Variants in FAT3 observed in about 807,000 individuals in gnomAD.
FAT3 encodes the protein FAT atypical cadherin 3, also known as protocadherin Fat 3.
A neutral mutation model predicts 310.2 loss-of-function variants in FAT3; 95 were observed. The observed-to-expected ratio is 0.31, with a 90% CI of 0.26 to 0.36. FAT3 has a LOEUF of 0.36. Among genes scored for constraint, FAT3 ranks in the 10% least tolerant of loss-of-function variants. The probability of loss-of-function intolerance (pLI) is 1.00; values close to 1 mark genes in which losing one functional copy is unlikely to be tolerated. For synonymous variants in FAT3, 2,314 were observed against 2,192.9 expected (o/e 1.06, Z -1.54); for missense variants, 5,408 against 5,715.6 (o/e 0.95, Z 1.74).
intron 7 of FAT3, among the ~76,000 whole-genome samples, chr11:92,779,602 G>A (rs1007202336): frequency 6.6e-6 from 1 of 152,170 alleles, no homozygotes; most frequent in African/African-American, 2.4e-5. Flanking sequence ...GTTACTCAGT[G>A]AAGCAGGTGC....
At chr11:92,753,472 A>G (rs1945881555) in intron 4 of FAT3, among the ~76,000 whole-genome samples, 1 of 152,210 alleles carries the variant, frequency 6.6e-6, no homozygotes. Flanking sequence ...TATAGCTACA[A>G]CAAGTAAAAC....
chr11:92,352,495 T>C lies in FAT3; in HGVS notation c.383T>C (p.Ile128Thr). The C allele has an allele frequency of 1.2e-6, 2 of 1,612,948 alleles. No homozygotes were observed. The highest frequency in any genetic ancestry group is 1.7e-6 in the Non-Finnish European group (2 of 1,179,680). The change falls in exon 2 of 28, where the codon ATA (isoleucine) becomes ACA (threonine). Residue 128 changes from isoleucine to threonine, a missense_variant. This residue lies in a region of FAT3 where 152 missense variants were observed against 188.3 expected (regional missense o/e 0.81). Coordinates refer to ENST00000525166, the MANE Select transcript of FAT3 (RefSeq NM_001367949.2). ...NREIQDNYLL[I>T]VKGSVRGEDL... Reference sequence around the variant, plus strand: ...GAAATCCAGGATAATTATTTATTGATAGTAAAAGGTTCTGTCAGAGGAGAG... The same window carrying C: ...GAAATCCAGGATAATTATTTATTGACAGTAAAAGGTTCTGTCAGAGGAGAG...
intron 4 of FAT3, among the ~76,000 whole-genome samples, chr11:92,733,863 C>A (rs771358689): frequency 6.6e-6 from 1 of 152,118 alleles, no homozygotes; most frequent in Non-Finnish European, 1.5e-5. Context: ...ATAAATACTT[C>A]TTGATATTCT....
intron 2 of FAT3, among the ~76,000 whole-genome samples, chr11:92,440,057 T>C (rs1951032752): frequency 1.3e-5 from 2 of 152,054 alleles, no homozygotes; most frequent in African/African-American, 4.8e-5. Flanking sequence ...AAGGTTAGTA[T>C]TGAGCACTGC....
chr11:92,394,626 T>C (rs1949822640), intron 2 of FAT3, among the ~76,000 whole-genome samples: 1 of 151,842 alleles, frequency 6.6e-6, no homozygotes, highest in African/African-American at 2.4e-5. Flanking sequence ...GGTATCTCAG[T>C]TTCCTGAGAT....
intron 1 of FAT3, among the ~76,000 whole-genome samples, chr11:92,299,819 C>T (rs574723298): frequency 8.5e-4 from 130 of 152,178 alleles, no homozygotes; most frequent in African/African-American, 2.9e-3. Flanking sequence ...AAGAAGCTTC[C>T]GGGTTCACTA....
At chr11:92,293,529 T>C (rs896945373) in intron 1 of FAT3, among the ~76,000 whole-genome samples, 2 of 69,302 alleles carry the variant, frequency 2.9e-5, no homozygotes, top group African/African-American at 1.2e-4. Flanking sequence ...TATATATATA[T>C]ATATATATAT....
At chr11:92,814,985 T>C (rs1947785596) in intron 13 of FAT3, among the ~76,000 whole-genome samples, 1 of 152,110 alleles carries the variant, frequency 6.6e-6, no homozygotes, top group African/African-American at 2.4e-5. Flanking sequence ...CCCAACTAAA[T>C]AGTTGAGAGA....
intron 3 of FAT3, among the ~76,000 whole-genome samples, chr11:92,605,703 G>A (rs1012929919): frequency 7.1e-6 from 1 of 140,046 alleles, no homozygotes; most frequent in East Asian, 2.1e-4. Flanking sequence ...TCAAGATAAT[G>A]CAATAAAATA....
In FAT3 at chr11:92,377,609, T is replaced by C. The variant is rs185596602; in HGVS notation, c.3292+22205T>C. ...TAGGCTCAGCTTAAATTTACATCAA[T>C]TGGCAATACTTTCTCTTGGTTCAGG... On this transcript the variant is annotated intron_variant, in intron 2 of 27. Coordinates refer to ENST00000525166, the MANE Select transcript of FAT3 (RefSeq NM_001367949.2). Among the ~76,000 whole-genome samples, 1,001 of 152,342 alleles carry C rather than the reference T, an allele frequency of 6.6e-3. 4 individuals carry two copies. The highest frequency in any genetic ancestry group is 0.012 in the Non-Finnish European group (787 of 68,028).
intron 7 of FAT3, among the ~76,000 whole-genome samples, chr11:92,786,247 AT>A (rs551313020): frequency 6.6e-6 from 1 of 152,214 alleles, no homozygotes; most frequent in Non-Finnish European, 1.5e-5. Flanking sequence ...AGCTCAAAAA[AT>A]ATTCTAAACT....
At chr11:92,629,325 C>T (rs970378409) in intron 3 of FAT3, among the ~76,000 whole-genome samples, 3 of 151,840 alleles carry the variant, frequency 2.0e-5, no homozygotes, top group Non-Finnish European at 4.4e-5. Flanking sequence ...TTTTATCAAG[C>T]TCTTTCTATG....
At chr11:92,653,237 C>CAT (rs33921437) in intron 3 of FAT3, among the ~76,000 whole-genome samples, 78,707 of 151,506 alleles carry the variant, frequency 0.52, 20,881 homozygotes, top group African/African-American at 0.62. Context: ...CGTGTGCACA[C>CAT]GTGTGCATGT....
intron 1 of FAT3, among the ~76,000 whole-genome samples, chr11:92,276,786 A>G (rs2134351602): frequency 6.6e-6 from 1 of 152,332 alleles, no homozygotes; most frequent in Admixed American, 6.5e-5. Flanking sequence ...TTATTGGCAT[A>G]TGCCGTTGAG....
At chr11:92,646,399 T>C (rs534443184) in intron 3 of FAT3, among the ~76,000 whole-genome samples, 3 of 152,322 alleles carry the variant, frequency 2.0e-5, no homozygotes, top group African/African-American at 7.2e-5. Context: ...TGCCATGACA[T>C]TACTTCTACC....
intron 3 of FAT3, among the ~76,000 whole-genome samples, chr11:92,530,590 T>TA (rs11464369): frequency 0.11 from 16,925 of 152,040 alleles, 1,376 homozygotes; most frequent in African/African-American, 0.23. Context: ...TTGTAGTTAA[T>TA]AAAAAACCTG....
At chr11:92,249,815 T>C (rs1016040368) in intron 1 of FAT3, among the ~76,000 whole-genome samples, 10 of 152,108 alleles carry the variant, frequency 6.6e-5, no homozygotes, top group African/African-American at 1.4e-4. Context: ...CATGAAGTCA[T>C]TGGAGAGAGC....
At chr11:92,733,810 A>C (rs1945260242) in intron 4 of FAT3, among the ~76,000 whole-genome samples, 1 of 152,220 alleles carries the variant, frequency 6.6e-6, no homozygotes, top group African/African-American at 2.4e-5. Context: ...CTGTAGGTAC[A>C]GATTTGGGAA....
chr11:92,477,803 C>G (rs1461792995), intron 2 of FAT3, among the ~76,000 whole-genome samples: 1 of 152,168 alleles, frequency 6.6e-6, no homozygotes, highest in African/African-American at 2.4e-5. Context: ...GAACACAAGA[C>G]CAGTTAGACA....
Sources: gnomAD v4.1 joint callset for allele counts (sites outside exome capture counted in the v4.1 genomes callset) on GRCh38, gnomAD v4.1.1 for gene constraint, gnomAD v4.1.1 regional missense constraint, MANE v1.5 for transcripts, NCBI Gene and HGNC (gene_info 2026-07-23, HGNC 2026-07-21) for gene names.